Variants in CDK10 observed in about 807,000 individuals in gnomAD.
CDK10 encodes the protein cyclin-dependent kinase 10.
Under a neutral mutation model 51.0 loss-of-function variants are expected in CDK10, and 55 were observed. The observed-to-expected ratio is 1.08, with a 90% CI of 0.87 to 1.35. The LOEUF (loss-of-function observed/expected upper bound fraction) is 1.35. Among genes scored for constraint, CDK10 ranks in the 40% most tolerant of loss-of-function variants. The pLI is 0.00. For synonymous variants in CDK10, 255 were observed against 199.1 expected, an observed-to-expected ratio of 1.28 and a Z score of -2.36; for missense variants, 589 against 485.1, an observed-to-expected ratio of 1.21 and a Z score of -2.01.
Position 89,695,710 on chromosome 16 carries a change from G to A in CDK10, c.*18G>A, listed in dbSNP as rs183458337. On this transcript the variant is annotated 3_prime_UTR_variant, in exon 13 of 13. Transcript: ENST00000353379. ...AACCCTGACGGTGGGCCTGGCACACGCCTGTATTCCCACACCAGGTCTTCC... is the reference window on the plus strand; with the variant it reads ...AACCCTGACGGTGGGCCTGGCACACACCTGTATTCCCACACCAGGTCTTCC... 401 of 1,590,852 alleles carry A rather than the reference G, an allele frequency of 2.5e-4. 3 individuals are homozygous for A. In the East Asian group the frequency reaches 6.3e-3, roughly 25 times the overall value.
At position 89,691,464 on chromosome 16, in the gene CDK10, G is replaced by A. The variant is rs757712230; in HGVS notation, c.254G>A (p.Arg85Gln). The change falls in exon 4 of 13, where the codon CGG becomes CAG. Residue 85 changes from arginine to glutamine, a missense_variant. By Grantham distance (43) the Arg-to-Gln change is conservative. Transcript: ENST00000353379. ...CCAGGCATCCCCATCAGCAGCTTGC[G>A]GGAGATCACGCTGCTGCTCCGCCTG... Reference protein sequence around the residue: ...EKDGIPISSLREITLLLRLRH... With the variant: ...EKDGIPISSLQEITLLLRLRH... 4.3e-6 allele frequency: 7 copies of A among 1,612,596 alleles called. No homozygotes were observed. The highest frequency in any genetic ancestry group is 1.3e-5 in the African/African-American group (1 of 74,924).
intron 8 of CDK10, chr16:89,693,840 G>C (rs2151590126): frequency 1.8e-6 from 1 of 550,872 alleles, no homozygotes; most frequent in Non-Finnish European, 3.3e-6. Context: ...GTCATGCTTA[G>C]CCAGGGCTGA....
chr16:89,692,186 G>A lies in CDK10; in HGVS notation c.418-263G>A. 5.5e-6 allele frequency: 3 copies of A among 545,088 alleles called. 1 individual carries two copies. In the South Asian group the frequency reaches 6.8e-5, roughly 12 times the overall value. 33.8% of individuals were successfully genotyped at this position (545,088 alleles called of 1,614,324 possible). A position where few individuals can be genotyped will look rare whatever the true frequency, so the allele number is the denominator to read the frequency against. ...CTGGTTTCCTGGGCTGCTGGGAGCG[G>A]GGAGCCCTGGGCGGAGAGCCTTCTG... On this transcript the variant is annotated intron_variant, in intron 5 of 12. Transcript: ENST00000353379.
chr16:89,688,122 C>T (rs895046315), intron 1 of CDK10, among the ~76,000 whole-genome samples: 3 of 148,480 alleles, frequency 2.0e-5, no homozygotes, highest in African/African-American at 5.0e-5. Flanking sequence ...CATTCTGTCA[C>T]CCAGGCTGGA....
At chr16:89,690,252 T>G (rs370662793) in intron 2 of CDK10, 16 of 438,402 alleles carry the variant, frequency 3.6e-5, no homozygotes, top group African/African-American at 1.4e-4. Context: ...CACAAAGCAG[T>G]GATCTGCATG....
chr16:89,691,419 C>A, intron 3 of CDK10, 24 bp from the exon 4 acceptor site: 1 of 1,564,160 alleles, frequency 6.4e-7, no homozygotes, highest in Non-Finnish European at 8.7e-7. Flanking sequence ...GGGTGGGGCT[C>A]GCTGAGGCCA....
In CDK10 at chr16:89,693,266, C is replaced by G; in HGVS notation, c.486-8C>G. ...TGGGAGCCACCTGCCACTGTTTTTCCATCACAGGGACCTGAAGGTTTCCAA... is the reference window on the plus strand; with the variant it reads ...TGGGAGCCACCTGCCACTGTTTTTCGATCACAGGGACCTGAAGGTTTCCAA... On this transcript the variant is annotated splice_polypyrimidine_tract_variant and splice_region_variant and intron_variant, in intron 6 of 12. Coordinates refer to ENST00000353379, the MANE Select transcript of CDK10 (RefSeq NM_052988.5). 4 of 1,614,056 alleles carry G rather than the reference C, an allele frequency of 2.5e-6. No homozygotes were observed. The highest frequency in any genetic ancestry group is 3.4e-6 in the Non-Finnish European group (4 of 1,180,002).
At chr16:89,688,584 T>G (rs2060305286) in intron 1 of CDK10, among the ~76,000 whole-genome samples, 1 of 152,174 alleles carries the variant, frequency 6.6e-6, no homozygotes, top group Admixed American at 6.5e-5. Flanking sequence ...AAGCTTCCTT[T>G]CACCTGGAAG....
intron 8 of CDK10, chr16:89,693,737 A>G (rs968836921): frequency 5.3e-6 from 3 of 567,372 alleles, no homozygotes; most frequent in African/African-American, 3.8e-5. Context: ...CCGTGAAACC[A>G]TCTCTGGAGG....
chr16:89,689,297 A>T lies in CDK10; in HGVS notation c.133A>T (p.Ile45Phe). The T allele has an allele frequency of 6.2e-7, 1 of 1,614,022 alleles. No individual in the cohort carries two copies. The highest frequency in any genetic ancestry group is 8.5e-7 in the Non-Finnish European group (1 of 1,179,976). Residue 45 changes from isoleucine (I) to phenylalanine (F), a missense_variant, in exon 2 of 13, where the codon ATT becomes TTT. Coordinates refer to ENST00000353379, the MANE Select transcript of CDK10 (RefSeq NM_052988.5). ...SVKEFEKLNR[I>F]GEGTYGIVYR... ...GAAGGAGTTTGAGAAGCTGAACCGCATTGGAGAGGGTACCTACGGCATTGT... is the reference window on the plus strand; with the variant it reads ...GAAGGAGTTTGAGAAGCTGAACCGCTTTGGAGAGGGTACCTACGGCATTGT...
At position 89,696,096 on chromosome 16, in the gene CDK10, C is replaced by G; in HGVS notation, c.*404C>G. The G allele has an allele frequency of 2.0e-6, 1 of 490,834 alleles. No homozygotes were observed. The highest frequency in any genetic ancestry group is 3.7e-5 in the East Asian group (1 of 27,036). 30.4% of individuals were successfully genotyped at this position (490,834 alleles called of 1,614,324 possible). ...GGCCCAGAAGACCTTCGTATCCCCTCTCAGTCGCCCGGGGCTGTCCCGTGC... is the reference window on the plus strand; with the variant it reads ...GGCCCAGAAGACCTTCGTATCCCCTGTCAGTCGCCCGGGGCTGTCCCGTGC... On this transcript the variant is annotated 3_prime_UTR_variant, in exon 13 of 13. Transcript: ENST00000353379.
intron 5 of CDK10, 55 bp from the exon 6 acceptor site, chr16:89,692,394 C>T: frequency 7.2e-7 from 1 of 1,386,092 alleles, no homozygotes; most frequent in South Asian, 1.4e-5. Flanking sequence ...TGGCAGGGCC[C>T]AGCTGGGCTT....
chr16:89,693,069 C>T (rs571917719), intron 6 of CDK10, among the ~76,000 whole-genome samples: 24 of 150,290 alleles, frequency 1.6e-4, no homozygotes, highest in African/African-American at 5.4e-4. Flanking sequence ...ACCCGGGAGG[C>T]GGAGCTTGCA....
intron 5 of CDK10, 192 bp from the exon 6 acceptor site, chr16:89,692,257 C>T (rs376178003): frequency 9.7e-6 from 5 of 516,312 alleles, no homozygotes; most frequent in African/African-American, 8.3e-5. Flanking sequence ...GCCCCGGGGC[C>T]AAGAGCCTTG....
intron 9 of CDK10, 107 bp from the exon 10 acceptor site, chr16:89,694,558 C>CA (rs2060611594): frequency 6.6e-7 from 1 of 1,526,518 alleles, no homozygotes. Context: ...CAGCGTGCCT[C>CA]ACACTGGCAG....
At position 89,691,475 on chromosome 16, in the gene CDK10, C is replaced by G; in HGVS notation, c.265C>G (p.Leu89Val). Residue 89 changes from leucine to valine, a missense_variant, in exon 4 of 13, where the codon CTG becomes GTG. By Grantham distance (32) the Leu-to-Val change is conservative. Coordinates refer to ENST00000353379, the MANE Select transcript of CDK10 (RefSeq NM_052988.5). Reference protein sequence around the residue: ...IPISSLREITLLLRLRHPNIV... With the variant: ...IPISSLREITVLLRLRHPNIV... ...CATCAGCAGCTTGCGGGAGATCACG[C>G]TGCTGCTCCGCCTGCGTCATCCGAA... 1 of 1,613,548 alleles carries G rather than the reference C, an allele frequency of 6.2e-7. No individual in the cohort carries two copies. The highest frequency in any genetic ancestry group is 8.5e-7 in the Non-Finnish European group (1 of 1,179,804).
At chr16:89,687,860 C>T in intron 1 of CDK10, 1 of 340,874 alleles carries the variant, frequency 2.9e-6, no homozygotes, top group South Asian at 2.3e-5. Context: ...GAGACTAGGC[C>T]ATCAGTGAGT....
At chr16:89,691,386 T>C (rs913516277) in intron 3 of CDK10, 57 bp from the exon 4 acceptor site, 5 of 1,321,440 alleles carry the variant, frequency 3.8e-6, no homozygotes, top group African/African-American at 2.9e-5. Flanking sequence ...GTGGCTGGGG[T>C]TGGGGCTTCC....
intron 1 of CDK10, among the ~76,000 whole-genome samples, chr16:89,688,174 T>G (rs2060285226): frequency 1.4e-5 from 2 of 146,388 alleles, no homozygotes; most frequent in Admixed American, 1.4e-4. Flanking sequence ...CTCCACCTCC[T>G]GGGTTCACGC....
Sources: gnomAD v4.1 joint callset for allele counts (sites outside exome capture counted in the v4.1 genomes callset) on GRCh38, gnomAD v4.1.1 for gene constraint, MANE v1.5 for transcripts, NCBI Gene and HGNC (gene_info 2026-07-23, HGNC 2026-07-21) for gene names.